The following DDX19A variants were observed in gnomAD, a reference collection of about 807,000 sequenced individuals.
The protein encoded by DDX19A is ATP-dependent RNA helicase DDX19A.
DDX19A carries 12 observed loss-of-function variants against 60.6 expected under a neutral mutation model. That is an observed-to-expected ratio of 0.20 (90% CI 0.13 to 0.32). DDX19A has a LOEUF of 0.32. DDX19A is among the 10% of genes least tolerant of loss of function. The probability of loss-of-function intolerance (pLI) is 1.00; values close to 1 mark genes in which losing one functional copy is unlikely to be tolerated. For missense variants in DDX19A, 337 were observed against 600.6 expected (o/e 0.56, Z 4.59); for synonymous variants, 206 against 218.2 (o/e 0.94, Z 0.49).
At chr16:70,347,980 G>A (rs989824703) in intron 1 of DDX19A, 5 of 450,112 alleles carry the variant, frequency 1.1e-5, no homozygotes, top group African/African-American at 2.0e-5. Flanking sequence ...GTGAGTCACC[G>A]CGCCCAGCCG....
chr16:70,352,849 G>A (rs978660993), intron 2 of DDX19A, among the ~76,000 whole-genome samples: 2 of 150,702 alleles, frequency 1.3e-5, no homozygotes, highest in Admixed American at 1.3e-4. Context: ...TCTTGGTCAG[G>A]CTGGTCTCGA....
At chr16:70,354,666 G>A (rs1490029852) in intron 2 of DDX19A, among the ~76,000 whole-genome samples, 1 of 144,348 alleles carries the variant, frequency 6.9e-6, no homozygotes, top group Non-Finnish European at 1.6e-5. Context: ...TTTTTCACCA[G>A]GTATAGTAGT....
At chr16:70,360,100 G>C (rs1292966962) in intron 4 of DDX19A, among the ~76,000 whole-genome samples, 1 of 151,918 alleles carries the variant, frequency 6.6e-6, no homozygotes, top group African/African-American at 2.4e-5. Context: ...GGCCAACATG[G>C]CGAAACCCTG....
chr16:70,358,027 C>G (rs1471664374), intron 4 of DDX19A, among the ~76,000 whole-genome samples: 1 of 151,764 alleles, frequency 6.6e-6, no homozygotes, highest in African/African-American at 2.4e-5. Flanking sequence ...TTTTTTATTT[C>G]TATTCATTTA....
At chr16:70,364,382 G>A (rs751309769) in intron 5 of DDX19A, 161 bp from the exon 6 acceptor site, 8 of 598,040 alleles carry the variant, frequency 1.3e-5, no homozygotes, top group South Asian at 8.5e-5. Context: ...TTTTAACAGC[G>A]TATAAAAAAA....
intron 5 of DDX19A, chr16:70,361,757 C>A: frequency 2.8e-6 from 1 of 351,760 alleles, no homozygotes; most frequent in Non-Finnish European, 5.2e-6. Flanking sequence ...GGGCTTAAGG[C>A]CGGGCATGGT....
At chr16:70,368,568 A>C (rs1265032245) in intron 9 of DDX19A, among the ~76,000 whole-genome samples, 8 of 150,182 alleles carry the variant, frequency 5.3e-5, no homozygotes, top group Non-Finnish European at 7.4e-5. Flanking sequence ...ACTGCGCCTG[A>C]CGCCAAAAAA....
chr16:70,354,383 G>A (rs183629689), intron 2 of DDX19A, among the ~76,000 whole-genome samples: 1 of 152,220 alleles, frequency 6.6e-6, no homozygotes, highest in East Asian at 1.9e-4. Context: ...CCGACCTCAG[G>A]TGATCCACCC....
intron 4 of DDX19A, among the ~76,000 whole-genome samples, chr16:70,357,530 C>T (rs369364721): frequency 2.0e-5 from 3 of 151,172 alleles, no homozygotes; most frequent in East Asian, 4.0e-4. Flanking sequence ...GGACTACAGG[C>T]GTGTGCCACA....
intron 4 of DDX19A, chr16:70,356,950 CAAAAAA>C: frequency 2.1e-6 from 1 of 476,358 alleles, no homozygotes; most frequent in South Asian, 2.8e-5. Flanking sequence ...TTTTTTTTTA[CAAAAAA>C]AAAAAAAAAA....
chr16:70,360,321 C>CTT (rs1555552998), intron 4 of DDX19A, among the ~76,000 whole-genome samples: 1 of 133,486 alleles, frequency 7.5e-6, no homozygotes, highest in Admixed American at 7.7e-5. Context: ...TTCTTTCTTT[C>CTT]TTTTTTTTTT....
At chr16:70,351,328 C>G (rs1462274800) in intron 2 of DDX19A, among the ~76,000 whole-genome samples, 2 of 151,972 alleles carry the variant, frequency 1.3e-5, no homozygotes, top group Non-Finnish European at 2.9e-5. Flanking sequence ...ACCTCAGCCT[C>G]CCAGGTAGCT....
intron 1 of DDX19A, 187 bp downstream of exon 1, chr16:70,347,235 T>C (rs962572449): frequency 3.2e-6 from 2 of 616,062 alleles, no homozygotes; most frequent in African/African-American, 3.7e-5. Context: ...TTTATCTCCA[T>C]CTGGGCTGGT....
intron 4 of DDX19A, among the ~76,000 whole-genome samples, chr16:70,357,471 A>G (rs56036503): frequency 0.48 from 64,964 of 134,946 alleles, 16,141 homozygotes; most frequent in African/African-American, 0.67. Flanking sequence ...CACAACCTCC[A>G]CCTCCCAGGT....
chr16:70,354,927 A>G (rs1964135297), intron 2 of DDX19A, among the ~76,000 whole-genome samples: 1 of 152,082 alleles, frequency 6.6e-6, no homozygotes, highest in Admixed American at 6.6e-5. Flanking sequence ...ACTTCAGCTC[A>G]GGAGGTTGAG....
chr16:70,367,770 G>C (rs954003329), intron 9 of DDX19A, among the ~76,000 whole-genome samples: 1 of 151,974 alleles, frequency 6.6e-6, no homozygotes, highest in Non-Finnish European at 1.5e-5. Context: ...CCAGCTACTC[G>C]GGAGGCTGAG....
At chr16:70,356,021 C>T in intron 3 of DDX19A, 91 bp from the exon 4 acceptor site, 1 of 1,542,678 alleles carries the variant, frequency 6.5e-7, no homozygotes, top group Non-Finnish European at 8.9e-7. Flanking sequence ...CTTGACTGCC[C>T]AGGTGCTAGT....
intron 3 of DDX19A, 53 bp downstream of exon 3, chr16:70,355,588 T>A: frequency 6.8e-7 from 1 of 1,468,660 alleles, no homozygotes; most frequent in Admixed American, 1.7e-5. Context: ...AGGGCTTGCC[T>A]TCCTGGAGCC....
chr16:70,367,947 A>G (rs958683126), intron 9 of DDX19A, among the ~76,000 whole-genome samples: 5 of 151,874 alleles, frequency 3.3e-5, no homozygotes, highest in African/African-American at 1.2e-4. Context: ...AGGCCAAGGT[A>G]GAAGGATTGC....
Sources: allele counts gnomAD v4.1 joint callset (sites outside exome capture counted in the v4.1 genomes callset), GRCh38; gene constraint gnomAD v4.1.1; transcripts MANE v1.5; gene names NCBI Gene and HGNC (gene_info 2026-07-23, HGNC 2026-07-21).